DAB1: variants seen among roughly 807,000 people sequenced by gnomAD.
The protein encoded by DAB1 is DAB adaptor protein 1, also known as disabled homolog 1.
Under a neutral mutation model 64.6 loss-of-function variants are expected in DAB1, and 15 were observed. That is an observed-to-expected ratio of 0.23 (90% CI 0.16 to 0.36). The LOEUF is 0.36. DAB1 is among the 10% of genes least tolerant of loss of function. The pLI is 1.00. For missense variants in DAB1, 596 were observed against 706.7 expected (o/e 0.84, Z 1.78); for synonymous variants, 235 against 251.9 (o/e 0.93, Z 0.64).
intron 4 of DAB1, among the ~76,000 whole-genome samples, chr1:58,333,874 A>G (rs1305634477): frequency 6.6e-6 from 1 of 152,166 alleles, no homozygotes; most frequent in East Asian, 1.9e-4. Context: ...AGTGAAGACA[A>G]CCTCTAAACC....
chr1:57,961,462 A>G (rs1645519187), intron 5 of DAB1, among the ~76,000 whole-genome samples: 2 of 152,034 alleles, frequency 1.3e-5, no homozygotes, highest in African/African-American at 4.8e-5. Context: ...CCTCAGCATT[A>G]TCTCTGACCA....
rs539853984 is a variant in DAB1 at position 57,371,298 on chromosome 1, A to G, written c.-137+52632T>C. Among the ~76,000 whole-genome samples, 5 of 152,314 alleles carry G rather than the reference A, an allele frequency of 3.3e-5. No individual in the cohort carries two copies. In the East Asian group the frequency reaches 9.7e-4, roughly 29 times the overall value. ...CAACTCACTGACTGTTGAAATCGCC[A>G]CAAAAACACATGTCTGATGGCATAT... On this transcript the variant is annotated intron_variant, in intron 1 of 14. Transcript: ENST00000371236.
intron 10 of DAB1, among the ~76,000 whole-genome samples, chr1:57,024,228 A>C (rs867101413): frequency 6.6e-6 from 1 of 152,098 alleles, no homozygotes; most frequent in Non-Finnish European, 1.5e-5. Context: ...ATTTGCAAAA[A>C]GAAGTAAATA....
chr1:57,233,255 CT>C (rs1186221366), intron 2 of DAB1, among the ~76,000 whole-genome samples: 842 of 60,716 alleles, frequency 0.014, 3 homozygotes, highest in African/African-American at 0.049. Flanking sequence ...TGCTCCGATT[CT>C]TTTTTTTTTT....
chr1:58,233,353 T>C (rs549515621), intron 4 of DAB1, among the ~76,000 whole-genome samples: 74 of 152,292 alleles, frequency 4.9e-4, no homozygotes, highest in South Asian at 1.0e-3. Flanking sequence ...AGCATGTGAT[T>C]TATGCAGTCT....
intron 4 of DAB1, among the ~76,000 whole-genome samples, chr1:58,205,147 A>G (rs1658197552): frequency 6.6e-6 from 1 of 152,204 alleles, no homozygotes; most frequent in South Asian, 2.1e-4. Context: ...ACAGCTCTAC[A>G]GCCAAGCAGC....
At chr1:57,392,761 G>A (rs1378013940) in intron 1 of DAB1, among the ~76,000 whole-genome samples, 7 of 152,158 alleles carry the variant, frequency 4.6e-5, no homozygotes, top group South Asian at 2.1e-4. Context: ...TGGCATGTTC[G>A]GGAAATAGCC....
intron 3 of DAB1, among the ~76,000 whole-genome samples, chr1:58,369,856 C>T (rs1013772538): frequency 6.6e-6 from 1 of 152,032 alleles, no homozygotes; most frequent in Non-Finnish European, 1.5e-5. Context: ...TTCAGTTAAT[C>T]AGAATTAAGA....
In DAB1 at chr1:57,324,586, A is replaced by G. The variant is rs186211863; in HGVS notation, c.-136-33420T>C. On this transcript the variant is annotated intron_variant, in intron 1 of 14. Coordinates refer to ENST00000371236, the MANE Select transcript of DAB1 (RefSeq NM_001365792.1). ...GAGAGGAGAATGATGCGCATTAGAG[A>G]GGAGAATGATGAGAAACTGAATACA... 3.9e-5 allele frequency among the ~76,000 whole-genome samples: 6 copies of G among 152,008 alleles called. No homozygotes were observed. The East Asian group carries it at 1.2e-3, about 29-fold the overall frequency.
rs527360692 is a variant in DAB1 at position 57,341,125 on chromosome 1, T to G, written c.-136-49959A>C. On this transcript the variant is annotated intron_variant, in intron 1 of 14. Coordinates refer to ENST00000371236, the MANE Select transcript of DAB1 (RefSeq NM_001365792.1). Reference sequence around the variant, plus strand: ...CATTGGAACCCAAAGAAATCATCACTTATCAAGGCTACATGGCTGGTAAAT... The same window carrying G: ...CATTGGAACCCAAAGAAATCATCACGTATCAAGGCTACATGGCTGGTAAAT... Among the ~76,000 whole-genome samples, 77 of 152,238 alleles carry G rather than the reference T, an allele frequency of 5.1e-4. 1 individual carries two copies. Among genetic ancestry groups the G allele is most frequent in the African/African-American group, 1.8e-3 (73 of 41,528 alleles).
intron 5 of DAB1, among the ~76,000 whole-genome samples, chr1:58,031,395 TAAG>T (rs1288411476): frequency 7.9e-5 from 12 of 152,152 alleles, no homozygotes; most frequent in Non-Finnish European, 1.0e-4. Flanking sequence ...GAGAAATCTT[TAAG>T]AAGATGTTTG....
chr1:58,017,483 ATGCTCCAGC>A (rs1422068341), intron 5 of DAB1, among the ~76,000 whole-genome samples: 1 of 152,274 alleles, frequency 6.6e-6, no homozygotes, highest in East Asian at 1.9e-4. Context: ...CAGAGCTGAA[ATGCTCCAGC>A]TGCCTCTGCC....
At chr1:57,317,391 T>C (rs931042706) in intron 1 of DAB1, among the ~76,000 whole-genome samples, 2 of 152,368 alleles carry the variant, frequency 1.3e-5, no homozygotes, top group Non-Finnish European at 2.9e-5. Context: ...TTTAAACTGC[T>C]ACATGTTAGA....
At chr1:58,097,261 G>A (rs1213991986) in intron 5 of DAB1, among the ~76,000 whole-genome samples, 2 of 152,134 alleles carry the variant, frequency 1.3e-5, no homozygotes, top group East Asian at 3.8e-4. Flanking sequence ...TATGCCCAAG[G>A]TCACACAGCT....
At chr1:58,223,638 A>T (rs1659296592) in intron 4 of DAB1, among the ~76,000 whole-genome samples, 1 of 152,176 alleles carries the variant, frequency 6.6e-6, no homozygotes, top group Admixed American at 6.5e-5. Context: ...GAATCTGAAG[A>T]AATTTTCTTT....
chr1:58,220,827 C>CTA (rs1230392709), intron 4 of DAB1, among the ~76,000 whole-genome samples: 4 of 150,702 alleles, frequency 2.7e-5, no homozygotes, highest in Non-Finnish European at 5.9e-5. Context: ...TAAGAATTTG[C>CTA]TATATATATA....
intron 6 of DAB1, among the ~76,000 whole-genome samples, chr1:57,773,344 T>TACACACAC (rs60059518): frequency 0.023 from 3,446 of 147,646 alleles, 47 homozygotes; most frequent in Non-Finnish European, 0.032. Flanking sequence ...TTGAGTTGTA[T>TACACACAC]ACACACACAC....
At chr1:58,432,058 G>T (rs1045299367) in intron 3 of DAB1, among the ~76,000 whole-genome samples, 3 of 152,178 alleles carry the variant, frequency 2.0e-5, no homozygotes, top group Admixed American at 6.5e-5. Context: ...CCCACTCATT[G>T]CCATGTCATG....
At chr1:58,215,402 T>G (rs1483408545) in intron 4 of DAB1, among the ~76,000 whole-genome samples, 3 of 13,066 alleles carry the variant, frequency 2.3e-4, no homozygotes, top group East Asian at 4.8e-4. Flanking sequence ...CATGATAGTG[T>G]TTTTTTTTTT....
Sources: gnomAD v4.1 joint callset for allele counts (sites outside exome capture counted in the v4.1 genomes callset) on GRCh38, gnomAD v4.1.1 for gene constraint, MANE v1.5 for transcripts, NCBI Gene and HGNC (gene_info 2026-07-23, HGNC 2026-07-21) for gene names.